ZNF257: variants seen among roughly 807,000 people sequenced by gnomAD.
ZNF257 encodes zinc finger protein 257.
In ZNF257, 12 loss-of-function variants were observed where a neutral mutation model predicts 11.9. The ratio of observed to expected loss-of-function variants is 1.01; its 90% CI spans 0.65 to 1.63. The LOEUF (loss-of-function observed/expected upper bound fraction) is 1.63. Ranked by LOEUF, ZNF257 falls within the 40% of genes most tolerant of loss-of-function variation. ZNF257 has a pLI of 0.00. For missense variants in ZNF257, 580 were observed against 665.5 expected, an observed-to-expected ratio of 0.87 and a Z score of 1.41; for synonymous variants, 183 against 222.7, an observed-to-expected ratio of 0.82 and a Z score of 1.59.
At chr19:22,056,032 G>C (rs1298255961) in intron 1 of ZNF257, among the ~76,000 whole-genome samples, 1 of 126,220 alleles carries the variant, frequency 7.9e-6, no homozygotes, top group Non-Finnish European at 1.6e-5. Context: ...TCCAGCCTGG[G>C]CGACAGAGCG....
intron 3 of ZNF257, among the ~76,000 whole-genome samples, chr19:22,086,688 T>A (rs1011350343): frequency 6.6e-6 from 1 of 151,938 alleles, no homozygotes; most frequent in Non-Finnish European, 1.5e-5. Context: ...TTTTTGCTGA[T>A]GATTATTCTT....
chr19:22,084,035 G>A (rs757007465), intron 3 of ZNF257, among the ~76,000 whole-genome samples: 87 of 151,922 alleles, frequency 5.7e-4, no homozygotes, highest in Non-Finnish European at 6.9e-4. Context: ...AGCTATTCGG[G>A]GGGCCAAGGC....
intron 1 of ZNF257, among the ~76,000 whole-genome samples, chr19:22,059,008 C>G (rs1338599923): frequency 6.6e-6 from 1 of 152,148 alleles, no homozygotes; most frequent in Non-Finnish European, 1.5e-5. Flanking sequence ...ACCTAGGGTT[C>G]TGGACCACCT....
intron 1 of ZNF257, among the ~76,000 whole-genome samples, chr19:22,053,873 C>T (rs898023460): frequency 2.0e-5 from 3 of 151,636 alleles, no homozygotes; most frequent in African/African-American, 4.8e-5. Flanking sequence ...TGCAGTGAGC[C>T]GAGATTGTGC....
chr19:22,071,595 A>C (rs989138491), intron 1 of ZNF257, among the ~76,000 whole-genome samples: 4 of 151,962 alleles, frequency 2.6e-5, no homozygotes, highest in Admixed American at 2.6e-4. Flanking sequence ...TTTCCTCCCT[A>C]ATGAGTTTGT....
intron 1 of ZNF257, among the ~76,000 whole-genome samples, chr19:22,065,157 A>G (rs1467246590): frequency 1.3e-5 from 2 of 152,114 alleles, no homozygotes; most frequent in Non-Finnish European, 2.9e-5. Context: ...TATACTTTTG[A>G]AATATAAAGT....
At chr19:22,068,180 T>C (rs1192795625) in intron 1 of ZNF257, among the ~76,000 whole-genome samples, 4 of 151,246 alleles carry the variant, frequency 2.6e-5, no homozygotes, top group Admixed American at 2.6e-4. Flanking sequence ...TTTTTTGCCT[T>C]TACAAATCCA....
intron 3 of ZNF257, among the ~76,000 whole-genome samples, chr19:22,077,727 G>C (rs1046612956): frequency 1.3e-5 from 2 of 152,066 alleles, no homozygotes; most frequent in African/African-American, 4.8e-5. Flanking sequence ...CAATAAACAT[G>C]ACTGTTCAAA....
Position 22,091,396 on chromosome 19 carries a change from G to A in ZNF257, c.*1954G>A, listed in dbSNP as rs191304866. 17 of 142,924 alleles carry A rather than the reference G, an allele frequency of 1.2e-4. No individual in the cohort carries two copies. In the East Asian group the frequency reaches 2.2e-3, roughly 19 times the overall value. The allele number at this position is 142,924 out of a possible 1,614,324, so 8.9% of individuals were successfully genotyped here. On this transcript the variant is annotated 3_prime_UTR_variant, in exon 4 of 4. Coordinates refer to ENST00000594947, the MANE Select transcript of ZNF257 (RefSeq NM_033468.4). ...AATCACGTGTACCCAGGAGGCAGAGGTTGCAGTGAGCCAAGATCACGACAT... is the reference window on the plus strand; with the variant it reads ...AATCACGTGTACCCAGGAGGCAGAGATTGCAGTGAGCCAAGATCACGACAT...
chr19:22,078,085 A>C (rs2022271493), intron 3 of ZNF257, among the ~76,000 whole-genome samples: 3 of 151,698 alleles, frequency 2.0e-5, no homozygotes, highest in African/African-American at 7.3e-5. Flanking sequence ...TAAAAAAAAA[A>C]AAATTAGCTG....
chr19:22,073,397 T>C, intron 2 of ZNF257, 72 bp from the exon 3 acceptor site: 1 of 1,469,116 alleles, frequency 6.8e-7, no homozygotes, highest in Non-Finnish European at 9.2e-7. Flanking sequence ...ACATTCTCTT[T>C]ATTGAGCACA....
At position 22,087,942 on chromosome 19, in the gene ZNF257, T is replaced by A. The variant is rs774248533; in HGVS notation, c.227-35T>A. ...GTAAAAAATATTTACCTGAGTCTAG[T>A]AAGTGGAGTAATTTGTTGTTTTTAT... On this transcript the variant is annotated intron_variant, in intron 3 of 3. Coordinates refer to ENST00000594947, the MANE Select transcript of ZNF257 (RefSeq NM_033468.4). 8.3e-6 allele frequency: 12 copies of A among 1,454,488 alleles called. No individual in the cohort carries two copies. The South Asian group carries it at 1.1e-4, about 13-fold the overall frequency. The allele number at this position is 1,454,488 out of a possible 1,614,324, so 90.1% of individuals were successfully genotyped here. A position where few individuals can be genotyped will look rare whatever the true frequency, so the allele number is the denominator to read the frequency against.
chr19:22,078,654 G>A (rs972987340), intron 3 of ZNF257, among the ~76,000 whole-genome samples: 2 of 151,920 alleles, frequency 1.3e-5, no homozygotes, highest in Admixed American at 6.6e-5. Flanking sequence ...TAAGACAAGC[G>A]TCATGTTTTT....
intron 3 of ZNF257, among the ~76,000 whole-genome samples, chr19:22,087,122 A>G (rs902932036): frequency 8.6e-5 from 13 of 151,728 alleles, no homozygotes; most frequent in Non-Finnish European, 1.6e-4. Flanking sequence ...TCTAAAATTT[A>G]TACATTTTTA....
chr19:22,073,115 A>C (rs1025748149), intron 2 of ZNF257, among the ~76,000 whole-genome samples, 180 bp downstream of exon 2: 1 of 151,978 alleles, frequency 6.6e-6, no homozygotes, highest in Non-Finnish European at 1.5e-5. Context: ...TGTAGAAAAA[A>C]AAATTTCTTC....
chr19:22,088,996 A>G lies in ZNF257; in HGVS notation c.1246A>G (p.Thr416Ala), dbSNP rs765364674. The G allele has an allele frequency of 2.5e-6, 4 of 1,611,544 alleles. No homozygotes were observed. The highest frequency in any genetic ancestry group is 3.4e-6 in the Non-Finnish European group (4 of 1,179,376). ...AGCTTTTAACTGGTCCTCAGCTCTT[A>G]CTACCCTTACTCAGCATAAGATAAT... The part of the protein sequence containing the change: ...CKAFNWSSAL[T>A]TLTQHKIIHT... Residue 416 changes from threonine (T) to alanine (A), a missense_variant, in exon 4 of 4, where the codon ACT becomes GCT. Coordinates refer to ENST00000594947, the MANE Select transcript of ZNF257 (RefSeq NM_033468.4).
Position 22,089,690 on chromosome 19 carries a change from T to A in ZNF257, c.*248T>A. On this transcript the variant is annotated 3_prime_UTR_variant, in exon 4 of 4. Transcript: ENST00000594947. ...CTCTTACTAAACATGAGAACACATG[T>A]GGAAGATAAAGCCTACAAATATGAA... 1.1e-6 allele frequency: 1 copy of A among 925,270 alleles called. No individual in the cohort carries two copies. 57.3% of individuals were successfully genotyped at this position (925,270 alleles called of 1,614,324 possible).
At chr19:22,076,670 A>G (rs2022229613) in intron 3 of ZNF257, among the ~76,000 whole-genome samples, 1 of 151,992 alleles carries the variant, frequency 6.6e-6, no homozygotes, top group Non-Finnish European at 1.5e-5. Context: ...GTTCCATATT[A>G]GTGTGTTTTT....
At chr19:22,056,054 CAAA>C (rs139730834) in intron 1 of ZNF257, among the ~76,000 whole-genome samples, 5 of 116,660 alleles carry the variant, frequency 4.3e-5, no homozygotes, top group Admixed American at 8.8e-5. Flanking sequence ...GACTCCGTCT[CAAA>C]AAAAAAAAAA....
Sources: gnomAD v4.1 joint callset for allele counts (sites outside exome capture counted in the v4.1 genomes callset) on GRCh38, gnomAD v4.1.1 for gene constraint, MANE v1.5 for transcripts, NCBI Gene and HGNC (gene_info 2026-07-23, HGNC 2026-07-21) for gene names.